SPG11: variants seen among roughly 807,000 people sequenced by gnomAD.
The protein encoded by SPG11 is spatacsin.
Under a neutral mutation model 274.0 loss-of-function variants are expected in SPG11, and 222 were observed. That is an observed-to-expected ratio of 0.81 (90% CI 0.73 to 0.91). The LOEUF is 0.91. SPG11 is among the 40% of genes least tolerant of loss of function. The probability of loss-of-function intolerance (pLI) is 0.00; values close to 1 mark genes in which losing one functional copy is unlikely to be tolerated. For synonymous variants in SPG11, 1,144 were observed against 1,039.7 expected (o/e 1.10, Z -1.93); for missense variants, 3,114 against 2,872.7 (o/e 1.08, Z -1.92).
rs191978275 is a variant in SPG11 at position 44,636,669 on chromosome 15, A to G, written c.1603-3032T>C. On this transcript the variant is annotated intron_variant, in intron 7 of 39. Coordinates refer to ENST00000261866, the MANE Select transcript of SPG11 (RefSeq NM_025137.4). ...AGAGTGAGACTCTGTCTCAAAAAAAACAAAAAAACAAATGTGGTTTGGGAG... is the reference window on the plus strand; with the variant it reads ...AGAGTGAGACTCTGTCTCAAAAAAAGCAAAAAAACAAATGTGGTTTGGGAG... Among the ~76,000 whole-genome samples, 975 of 151,956 alleles carry G rather than the reference A, an allele frequency of 6.4e-3. 15 individuals carry two copies. Among genetic ancestry groups the G allele is most frequent in the African/African-American group, 0.022 (922 of 41,444 alleles).
intron 19 of SPG11, among the ~76,000 whole-genome samples, chr15:44,607,085 C>T (rs2083339978): frequency 6.6e-6 from 1 of 152,184 alleles, no homozygotes; most frequent in African/African-American, 2.4e-5. Context: ...CTTCCTTCTT[C>T]AAAGTCTTGC....
intron 34 of SPG11, 108 bp downstream of exon 34, chr15:44,570,417 A>C: frequency 7.1e-7 from 1 of 1,410,890 alleles, no homozygotes; most frequent in Non-Finnish European, 9.7e-7. Flanking sequence ...TGGTATCCAG[A>C]TGGGCAGAAC....
chr15:44,639,045 C>T (rs1215947964), intron 7 of SPG11, among the ~76,000 whole-genome samples: 1 of 151,550 alleles, frequency 6.6e-6, no homozygotes, highest in African/African-American at 2.4e-5. Flanking sequence ...AAACTGTATC[C>T]TGCGTATTTT....
At chr15:44,662,870 C>T (rs907133044) in intron 1 of SPG11, among the ~76,000 whole-genome samples, 1 of 152,156 alleles carries the variant, frequency 6.6e-6, no homozygotes, top group Non-Finnish European at 1.5e-5. Flanking sequence ...TAACAGCAAG[C>T]ACACAATATT....
Position 44,621,913 on chromosome 15 carries a change from A to G in SPG11, c.2466T>C (p.Asp822=). The G allele has an allele frequency of 6.2e-7, 1 of 1,613,572 alleles. No individual in the cohort carries two copies. Among genetic ancestry groups the G allele is most frequent in the Non-Finnish European group, 8.5e-7 (1 of 1,179,824 alleles). Residue 822 remains aspartate (D), a synonymous_variant, in exon 14 of 40, where the codon GAT becomes GAC. Transcript: ENST00000261866. ...CCAAAACAGACTTGTGCTTGAAAAAATCTTGTTCCTTTATCCAGTACCTAA... is the reference window on the plus strand; with the variant it reads ...CCAAAACAGACTTGTGCTTGAAAAAGTCTTGTTCCTTTATCCAGTACCTAA... ...SFPRYWIKEQ[D]FFKHKSVLDS...
intron 9 of SPG11, 77 bp from the exon 10 acceptor site, chr15:44,628,921 A>C: frequency 7.0e-7 from 1 of 1,426,328 alleles, no homozygotes; most frequent in South Asian, 1.2e-5. Flanking sequence ...AGAATTCTAA[A>C]GAAAGTCAAA....
chr15:44,601,149 T>C (rs565197377), intron 20 of SPG11, among the ~76,000 whole-genome samples: 1 of 152,030 alleles, frequency 6.6e-6, no homozygotes, highest in African/African-American at 2.4e-5. Flanking sequence ...TGAAACTTCA[T>C]TTCAAAAAAA....
At chr15:44,587,089 T>C (rs1308990056) in intron 28 of SPG11, among the ~76,000 whole-genome samples, 1 of 152,168 alleles carries the variant, frequency 6.6e-6, no homozygotes, top group Non-Finnish European at 1.5e-5. Context: ...TCCCAGAACT[T>C]TGGGAGACCA....
Position 44,585,430 on chromosome 15 carries a change from C to CAA in SPG11, c.5121+204_5121+205dup, listed in dbSNP as rs67858533. ...TGAAACCCCATCTCTACTAAAAATA[C>CAA]AAAAAAAAAAAAAAAAAAAAATTCA... On this transcript the variant is annotated intron_variant, in intron 29 of 39. Transcript: ENST00000261866. Among the ~76,000 whole-genome samples, 5,876 of 97,170 alleles carry CAA rather than the reference C, an allele frequency of 0.06. 499 individuals are homozygous for CAA. Among genetic ancestry groups the CAA allele is most frequent in the East Asian group, 0.19 (647 of 3,380 alleles). 63.7% of individuals were successfully genotyped at this position (97,170 alleles called of 152,430 possible). A position where few individuals can be genotyped will look rare whatever the true frequency, so the allele number is the denominator to read the frequency against.
chr15:44,622,231 C>G lies in SPG11; in HGVS notation c.2433G>C (p.Gln811His), dbSNP rs2083773602. The change falls in exon 13 of 40, where the codon CAG becomes CAC. Residue 811 changes from glutamine to histidine, a missense_variant. Transcript: ENST00000261866. ...ACTAATGAGACTACCTGGGAAATGA[C>G]TGGATTTGCATATTTTCTTGGAAAT... Reference protein sequence around the residue: ...LGHFQENMQIQSFPRYWIKEQ... With the variant: ...LGHFQENMQIHSFPRYWIKEQ... The G allele has an allele frequency of 6.2e-7, 1 of 1,612,440 alleles. No homozygotes were observed. Among genetic ancestry groups the G allele is most frequent in the African/African-American group, 1.3e-5 (1 of 74,878 alleles).
chr15:44,636,925 C>CAAAAAAAAAAAAAAAAAAAAAAAAA (rs370928375), intron 7 of SPG11, among the ~76,000 whole-genome samples: 2 of 19,450 alleles, frequency 1.0e-4, no homozygotes, highest in Non-Finnish European at 1.6e-4. Context: ...GACTCCATCT[C>CAAAAAAAAAAAAAAAAAAAAAAAAA]AAAAAAAAAA....
intron 7 of SPG11, among the ~76,000 whole-genome samples, chr15:44,637,860 C>G (rs1009420372): frequency 6.6e-6 from 1 of 152,064 alleles, no homozygotes; most frequent in Non-Finnish European, 1.5e-5. Flanking sequence ...TCACGGTATT[C>G]CAGAAAAAGG....
chr15:44,569,194 A>T lies in SPG11; in HGVS notation c.6585+204T>A, dbSNP rs147865407. On this transcript the variant is annotated intron_variant, in intron 35 of 39. Coordinates refer to ENST00000261866, the MANE Select transcript of SPG11 (RefSeq NM_025137.4). ...AAAAAAAAAAGAAAAAGAAAAAAAA[A>T]ATATATGGCATCAGCATATTCACGG... 2.0e-3 allele frequency among the ~76,000 whole-genome samples: 302 copies of T among 152,068 alleles called. 2 individuals carry two copies. Among genetic ancestry groups the T allele is most frequent in the African/African-American group, 6.8e-3 (284 of 41,502 alleles).
chr15:44,604,779 T>C (rs1452255385), intron 20 of SPG11, among the ~76,000 whole-genome samples: 8 of 151,234 alleles, frequency 5.3e-5, no homozygotes, highest in Admixed American at 3.3e-4. Flanking sequence ...ATACAAAAAA[T>C]TAGCCAGGCG....
chr15:44,584,615 T>A, intron 29 of SPG11, 57 bp from the exon 30 acceptor site: 1 of 1,579,552 alleles, frequency 6.3e-7, no homozygotes, highest in Non-Finnish European at 8.6e-7. Flanking sequence ...GTATCATAAA[T>A]GCTAATGTTC....
chr15:44,582,500 G>C (rs948348329), intron 30 of SPG11, among the ~76,000 whole-genome samples: 1 of 152,096 alleles, frequency 6.6e-6, no homozygotes, highest in African/African-American at 2.4e-5. Flanking sequence ...GTGATCTGAG[G>C]TTGTGCCACC....
intron 30 of SPG11, among the ~76,000 whole-genome samples, chr15:44,578,322 C>T (rs771815869): frequency 4.6e-5 from 7 of 151,908 alleles, no homozygotes; most frequent in South Asian, 2.1e-4. Flanking sequence ...TGAGCCACCG[C>T]GCCTGGCCAG....
intron 30 of SPG11, among the ~76,000 whole-genome samples, chr15:44,576,380 G>A (rs183215732): frequency 7.7e-4 from 117 of 152,214 alleles, no homozygotes; most frequent in Non-Finnish European, 1.4e-3. Context: ...CAGGTGTGGT[G>A]GCTCATGCCT....
chr15:44,582,393 CA>C (rs1227764647), intron 30 of SPG11, among the ~76,000 whole-genome samples: 2 of 152,036 alleles, frequency 1.3e-5, no homozygotes, highest in Admixed American at 1.3e-4. Context: ...ACTAAAAATA[CA>C]AAAAGTAGCC....
Sources: allele counts gnomAD v4.1 joint callset (sites outside exome capture counted in the v4.1 genomes callset), GRCh38; gene constraint gnomAD v4.1.1; transcripts MANE v1.5; gene names NCBI Gene and HGNC (gene_info 2026-07-23, HGNC 2026-07-21).